The following ERC2 variants were observed in gnomAD, a reference collection of about 807,000 sequenced individuals.
ERC2 encodes ERC protein 2.
ERC2 carries 42 observed loss-of-function variants against 114.8 expected under a neutral mutation model. The observed-to-expected ratio is 0.37, with a 90% CI of 0.29 to 0.47. The LOEUF (loss-of-function observed/expected upper bound fraction) is 0.47, where lower values mean the gene tolerates loss of function less well. ERC2 is among the 20% of genes least tolerant of loss of function. The probability of loss-of-function intolerance (pLI) is 0.99; values close to 1 mark genes in which losing one functional copy is unlikely to be tolerated. For synonymous variants in ERC2, 454 were observed against 425.5 expected (o/e 1.07, Z -0.82); for missense variants, 939 against 1,150.7 (o/e 0.82, Z 2.66).
chr3:56,400,128 C>G (rs2060466541), intron 2 of ERC2, among the ~76,000 whole-genome samples: 1 of 151,766 alleles, frequency 6.6e-6, no homozygotes, highest in Non-Finnish European at 1.5e-5. Flanking sequence ...CATGTGATAA[C>G]AGTATTATAT....
intron 7 of ERC2, among the ~76,000 whole-genome samples, chr3:56,035,780 G>C (rs547030695): frequency 3.4e-4 from 52 of 152,120 alleles, no homozygotes; most frequent in Non-Finnish European, 5.9e-4. Flanking sequence ...ATAAATTTCT[G>C]TTCTTTACAA....
chr3:55,512,678 G>A (rs1254037457), intron 17 of ERC2, among the ~76,000 whole-genome samples: 2 of 152,218 alleles, frequency 1.3e-5, no homozygotes, highest in African/African-American at 4.8e-5. Flanking sequence ...CCAAGATAAA[G>A]TAGCAAAGAA....
At chr3:55,803,393 AT>A (rs2059377660) in intron 14 of ERC2, among the ~76,000 whole-genome samples, 1 of 152,190 alleles carries the variant, frequency 6.6e-6, no homozygotes, top group African/African-American at 2.4e-5. Flanking sequence ...TGGGAAGAAC[AT>A]TAATGAAGAA....
chr3:56,267,946 G>A (rs1459636165), intron 3 of ERC2, among the ~76,000 whole-genome samples: 2 of 152,074 alleles, frequency 1.3e-5, no homozygotes, highest in Non-Finnish European at 2.9e-5. Context: ...TTGCATAATG[G>A]AAATTTGCTA....
intron 14 of ERC2, among the ~76,000 whole-genome samples, chr3:55,853,357 T>C (rs1267377951): frequency 2.6e-5 from 4 of 152,114 alleles, no homozygotes; most frequent in African/African-American, 9.7e-5. Context: ...TGAGACCCTG[T>C]CTCTACAAAA....
At chr3:56,110,626 T>A (rs1235573053) in intron 6 of ERC2, among the ~76,000 whole-genome samples, 1 of 152,166 alleles carries the variant, frequency 6.6e-6, no homozygotes, top group Non-Finnish European at 1.5e-5. Context: ...GTCATAATGT[T>A]AAAATTATGA....
At chr3:56,173,176 C>G (rs575181936) in intron 4 of ERC2, among the ~76,000 whole-genome samples, 57 of 152,112 alleles carry the variant, frequency 3.7e-4, no homozygotes, top group African/African-American at 1.3e-3. Context: ...ATAAAACCTC[C>G]CTAGGATTAG....
intron 2 of ERC2, among the ~76,000 whole-genome samples, chr3:56,383,802 A>G (rs571895840): frequency 2.0e-5 from 3 of 152,130 alleles, no homozygotes; most frequent in African/African-American, 7.2e-5. Context: ...AACATTTTTC[A>G]TCTTCCCAAA....
chr3:56,110,050 A>C (rs1427277013), intron 6 of ERC2, among the ~76,000 whole-genome samples: 1 of 152,208 alleles, frequency 6.6e-6, no homozygotes, highest in Non-Finnish European at 1.5e-5. Context: ...ACAAGAATCC[A>C]CCATATAGGC....
At chr3:56,302,507 A>G (rs2055948721) in intron 2 of ERC2, among the ~76,000 whole-genome samples, 1 of 151,990 alleles carries the variant, frequency 6.6e-6, no homozygotes, top group Non-Finnish European at 1.5e-5. Flanking sequence ...GCTCTAAAGG[A>G]CCAGGATACA....
chr3:55,702,585 A>G (rs960610997), intron 15 of ERC2, among the ~76,000 whole-genome samples: 5 of 152,004 alleles, frequency 3.3e-5, no homozygotes, highest in East Asian at 1.9e-4. Context: ...TCCCCACCCA[A>G]TTATACCGGT....
At chr3:55,546,914 C>A (rs1575541190) in intron 17 of ERC2, among the ~76,000 whole-genome samples, 1 of 152,228 alleles carries the variant, frequency 6.6e-6, no homozygotes, top group African/African-American at 2.4e-5. Flanking sequence ...AAGTCCATAA[C>A]CATTTCCTCA....
intron 2 of ERC2, among the ~76,000 whole-genome samples, chr3:56,317,769 A>C (rs1374659637): frequency 6.6e-6 from 1 of 152,204 alleles, no homozygotes; most frequent in Non-Finnish European, 1.5e-5. Flanking sequence ...ATAGCATAGC[A>C]AGAGACAGTA....
At chr3:55,583,660 T>C (rs1308103697) in intron 17 of ERC2, among the ~76,000 whole-genome samples, 1 of 150,580 alleles carries the variant, frequency 6.6e-6, no homozygotes. Context: ...AAGTCTATGC[T>C]AGCAACTATG....
chr3:55,753,463 G>T (rs1446825700), intron 14 of ERC2, among the ~76,000 whole-genome samples: 1 of 152,176 alleles, frequency 6.6e-6, no homozygotes, highest in Non-Finnish European at 1.5e-5. Context: ...CACAGGAATG[G>T]TGGGCATTAC....
chr3:55,851,662 A>G (rs765852068), intron 14 of ERC2, among the ~76,000 whole-genome samples: 5 of 152,262 alleles, frequency 3.3e-5, no homozygotes, highest in African/African-American at 4.8e-5. Context: ...TATTATAAAT[A>G]CATATTTTTT....
At position 55,699,519 on chromosome 3, in the gene ERC2, A is replaced by T. The variant is rs372417787; in HGVS notation, c.2713-7T>A. 6.3e-7 allele frequency: 1 copy of T among 1,597,166 alleles called. No homozygotes were observed. The highest frequency in any genetic ancestry group is 8.6e-7 in the Non-Finnish European group (1 of 1,168,364). The stretch of plus-strand genomic sequence containing the variant: ...ACTTCATTCTGTTCTGGGTCTGTGC[A>T]GAACAAAAACCAAGGAAGATTCCAT... On this transcript the variant is annotated splice_polypyrimidine_tract_variant and splice_region_variant and intron_variant, in intron 15 of 17. Coordinates refer to ENST00000288221, the MANE Select transcript of ERC2 (RefSeq NM_015576.3).
intron 6 of ERC2, among the ~76,000 whole-genome samples, chr3:56,112,397 GAGA>G (rs1409374268): frequency 7.0e-6 from 1 of 142,786 alleles, no homozygotes; most frequent in African/African-American, 2.7e-5. Context: ...CACATCAACA[GAGA>G]ATAACAAACC....
intron 3 of ERC2, 25 bp downstream of exon 3, chr3:56,295,994 G>C: frequency 1.3e-6 from 2 of 1,530,742 alleles, no homozygotes; most frequent in Non-Finnish European, 1.8e-6. Flanking sequence ...TTAAGGCTTT[G>C]GGGAAATACA....
Sources: gnomAD v4.1 joint callset for allele counts (sites outside exome capture counted in the v4.1 genomes callset) on GRCh38, gnomAD v4.1.1 for gene constraint, MANE v1.5 for transcripts, NCBI Gene and HGNC (gene_info 2026-07-23, HGNC 2026-07-21) for gene names.